The following KIF6 variants were observed in gnomAD, a reference collection of about 807,000 sequenced individuals.
KIF6 encodes kinesin family member 6, also known as kinesin-like protein KIF6.
In KIF6, 106 loss-of-function variants were observed where a neutral mutation model predicts 112.7. The observed-to-expected ratio is 0.94, with a 90% CI of 0.80 to 1.11. KIF6 has a LOEUF of 1.11. KIF6 is among the 50% of genes least tolerant of loss of function. The pLI is 0.00. For synonymous variants in KIF6, 339 were observed against 339.9 expected (o/e 1.00, Z 0.03); for missense variants, 929 against 964.0 (o/e 0.96, Z 0.48).
intron 13 of KIF6, among the ~76,000 whole-genome samples, chr6:39,507,724 C>G (rs1776522486): frequency 6.9e-6 from 1 of 145,706 alleles, no homozygotes; most frequent in South Asian, 2.2e-4. Flanking sequence ...CCCTGCCTCC[C>G]TTCCTTCCCT....
rs191227648 is a variant in KIF6, at chr6:39,544,561, C to T, written c.1420G>A (p.Glu474Lys). The change falls in exon 12 of 23, where the codon GAA (glutamate) becomes AAA (lysine). Residue 474 changes from glutamate to lysine, a missense_variant. Glu to Lys is a moderately conservative substitution (Grantham distance 56, BLOSUM62 1). Around this residue, in one of 2 missense-constraint regions of KIF6, gnomAD observed 688 missense variants for 662.7 expected, o/e 1.04. Coordinates refer to ENST00000287152, the MANE Select transcript of KIF6 (RefSeq NM_145027.6). ...LRDILKQRDN[E>K]INILVNMLKK... ...ATCACTTCAGAAAGGATACTGATTT[C>T]GTTATCTCTCTGTTTCAGAATATCT... 186 of 1,611,466 alleles carry T rather than the reference C, an allele frequency of 1.2e-4. 1 individual carries two copies. In the East Asian group the frequency reaches 3.7e-3, roughly 32 times the overall value.
intron 15 of KIF6, among the ~76,000 whole-genome samples, chr6:39,412,870 G>A (rs543916376): frequency 7.9e-5 from 12 of 152,058 alleles, no homozygotes; most frequent in East Asian, 5.8e-4. Context: ...GGGGCTTATC[G>A]TGCTGCTGTC....
intron 13 of KIF6, among the ~76,000 whole-genome samples, chr6:39,465,916 C>A (rs955733298): frequency 7.9e-5 from 12 of 152,186 alleles, no homozygotes; most frequent in African/African-American, 2.9e-4. Flanking sequence ...CTTCAATAGG[C>A]AGCTAAAATA....
At chr6:39,613,347 G>C in intron 5 of KIF6, 29 bp from the exon 6 acceptor site, 2 of 1,534,008 alleles carry the variant, frequency 1.3e-6, no homozygotes, top group South Asian at 2.6e-5. Context: ...AGAAAACAAG[G>C]TACTGCTGAG....
chr6:39,520,771 C>T lies in KIF6; in HGVS notation c.1645+19232G>A, dbSNP rs79920722. Among the ~76,000 whole-genome samples, 272 of 152,272 alleles carry T rather than the reference C, an allele frequency of 1.8e-3. 1 individual carries two copies. The highest frequency in any genetic ancestry group is 5.9e-3 in the African/African-American group (245 of 41,568). On this transcript the variant is annotated intron_variant, in intron 13 of 22. Transcript: ENST00000287152. ...AACTTCACATATGCACAGTGGAAAACGGCTTCTTGCTTCCAAGGTGGGCTT... is the reference window on the plus strand; with the variant it reads ...AACTTCACATATGCACAGTGGAAAATGGCTTCTTGCTTCCAAGGTGGGCTT...
intron 13 of KIF6, among the ~76,000 whole-genome samples, chr6:39,475,874 A>G (rs1041065494): frequency 6.6e-6 from 1 of 152,222 alleles, no homozygotes; most frequent in Non-Finnish European, 1.5e-5. Flanking sequence ...AGCCATAAAA[A>G]GGAACAAGAT....
intron 20 of KIF6, 58 bp from the exon 21 acceptor site, chr6:39,345,847 T>C (rs1191060303): frequency 7.9e-7 from 1 of 1,272,346 alleles, no homozygotes; most frequent in African/African-American, 1.5e-5. Context: ...TAGAAGGAAA[T>C]TCAGGGTTTA....
intron 6 of KIF6, among the ~76,000 whole-genome samples, chr6:39,601,592 TG>T (rs1408846995): frequency 3.3e-5 from 5 of 152,088 alleles, no homozygotes; most frequent in Non-Finnish European, 7.4e-5. Flanking sequence ...GGACATTGGA[TG>T]TATTACTTCC....
chr6:39,533,627 G>T (rs1441343434), intron 13 of KIF6, among the ~76,000 whole-genome samples: 1 of 152,182 alleles, frequency 6.6e-6, no homozygotes, highest in South Asian at 2.1e-4. Context: ...AAACAAAAAG[G>T]GCACAGACAA....
intron 9 of KIF6, among the ~76,000 whole-genome samples, 170 bp from the exon 10 acceptor site, chr6:39,578,329 A>AT (rs35778593): frequency 0.28 from 34,652 of 125,116 alleles, 6,561 homozygotes; most frequent in African/African-American, 0.48. Flanking sequence ...ATAGTTCTAG[A>AT]TTTTTTTTTT....
intron 3 of KIF6, among the ~76,000 whole-genome samples, chr6:39,660,327 C>T (rs544512311): frequency 1.1e-4 from 16 of 152,294 alleles, no homozygotes; most frequent in East Asian, 5.8e-4. Context: ...ACAGTTCATA[C>T]GGAGTATACA....
At chr6:39,496,570 C>T (rs1206616016) in intron 13 of KIF6, among the ~76,000 whole-genome samples, 1 of 151,824 alleles carries the variant, frequency 6.6e-6, no homozygotes, top group Non-Finnish European at 1.5e-5. Flanking sequence ...AAAGTGACTA[C>T]CCCCCCAACT....
chr6:39,598,160 G>A (rs758617517), intron 6 of KIF6, among the ~76,000 whole-genome samples: 4 of 152,100 alleles, frequency 2.6e-5, no homozygotes, highest in African/African-American at 9.6e-5. Flanking sequence ...GCATTCCAGC[G>A]TGGGTGGCAG....
intron 5 of KIF6, among the ~76,000 whole-genome samples, chr6:39,613,807 T>A (rs1016637683): frequency 6.6e-6 from 1 of 152,200 alleles, no homozygotes; most frequent in Non-Finnish European, 1.5e-5. Context: ...TCTGTCATCC[T>A]TCTAGGAGTT....
chr6:39,360,968 A>C (rs1055084168), intron 17 of KIF6, among the ~76,000 whole-genome samples: 3 of 152,158 alleles, frequency 2.0e-5, no homozygotes, highest in African/African-American at 7.2e-5. Flanking sequence ...AACTTGCTCT[A>C]TGGGACAGAG....
intron 3 of KIF6, among the ~76,000 whole-genome samples, chr6:39,713,501 C>T (rs955558509): frequency 7.9e-5 from 12 of 151,988 alleles, no homozygotes; most frequent in African/African-American, 2.9e-4. Context: ...AAAGTGGGGT[C>T]AAGATGAGAG....
chr6:39,540,284 C>T, intron 12 of KIF6, 63 bp from the exon 13 acceptor site: 1 of 1,023,258 alleles, frequency 9.8e-7, no homozygotes. Context: ...ACACAAATGT[C>T]CTAAGTGTCA....
At chr6:39,719,721 C>G (rs1203651105) in intron 2 of KIF6, among the ~76,000 whole-genome samples, 4 of 152,166 alleles carry the variant, frequency 2.6e-5, no homozygotes, top group African/African-American at 9.7e-5. Flanking sequence ...TATTTTTCAA[C>G]TGAGCCATTA....
intron 1 of KIF6, among the ~76,000 whole-genome samples, chr6:39,724,182 GGCT>G: frequency 6.6e-6 from 1 of 152,208 alleles, no homozygotes; most frequent in South Asian, 2.1e-4. Context: ...TGGGCGCGGT[GGCT>G]CACGCCTGTA....
Sources: gnomAD v4.1 joint callset for allele counts (sites outside exome capture counted in the v4.1 genomes callset) on GRCh38, gnomAD v4.1.1 for gene constraint, gnomAD v4.1.1 regional missense constraint, MANE v1.5 for transcripts, NCBI Gene and HGNC (gene_info 2026-07-23, HGNC 2026-07-21) for gene names.